ZNF106: variants seen among roughly 807,000 people sequenced by gnomAD.
ZNF106 encodes SH3-domain binding protein 3.
In ZNF106, 67 loss-of-function variants were observed where a neutral mutation model predicts 195.1. The ratio of observed to expected loss-of-function variants is 0.34; its 90% CI spans 0.28 to 0.42. The LOEUF is 0.42. Among genes scored for constraint, ZNF106 ranks in the 10% least tolerant of loss-of-function variants. The probability of loss-of-function intolerance (pLI) is 1.00; values close to 1 mark genes in which losing one functional copy is unlikely to be tolerated. For missense variants in ZNF106, 2,118 were observed against 2,304.5 expected, an observed-to-expected ratio of 0.92 and a Z score of 1.66; for synonymous variants, 784 against 818.6, an observed-to-expected ratio of 0.96 and a Z score of 0.72.
In ZNF106 at chr15:42,446,604, T is replaced by C. The variant is rs1250154921; in HGVS notation, c.3190A>G (p.Ile1064Val). ...TGCACCATACCTTTTTTTCCTTTAA[T>C]TTTCCTTCTTTTATTTTTTCTCTCA... ...SLERKNKRRK[I>V]KGKKERSQVD... Residue 1064 changes from isoleucine (I) to valine (V), a missense_variant, in exon 7 of 22, where the codon ATT becomes GTT. Physicochemically the swap from Ile to Val is conservative, Grantham distance 29 (BLOSUM62 3). Coordinates refer to ENST00000564754, the MANE Select transcript of ZNF106 (RefSeq NM_001366845.3). 3.1e-6 allele frequency: 5 copies of C among 1,599,010 alleles called. No homozygotes were observed. In the South Asian group the frequency reaches 4.5e-5, roughly 14 times the overall value.
Position 42,450,180 on chromosome 15 carries a change from C to G in ZNF106, c.2092G>C (p.Glu698Gln), listed in dbSNP as rs373531335. Residue 698 changes from glutamate (E) to glutamine (Q), a missense_variant, in exon 5 of 22, where the codon GAA (glutamate) becomes CAA (glutamine). By Grantham distance (29) the Glu-to-Gln change is conservative. Coordinates refer to ENST00000564754, the MANE Select transcript of ZNF106 (RefSeq NM_001366845.3). ...GLLLDLKTSL[E>Q]DAQVDDSIKS... The stretch of plus-strand genomic sequence containing the variant: ...ATAGAGTCATCAACCTGTGCATCTT[C>G]TAGAGAGGTTTTCAAGTCTAGCAAT... 4.3e-6 allele frequency: 7 copies of G among 1,614,042 alleles called. No homozygotes were observed. The African/African-American group carries it at 9.3e-5, about 22-fold the overall frequency.
intron 9 of ZNF106, among the ~76,000 whole-genome samples, chr15:42,443,790 A>T (rs530382949): frequency 1.3e-5 from 2 of 152,016 alleles, no homozygotes; most frequent in Non-Finnish European, 2.9e-5. Flanking sequence ...TGACCTTTTC[A>T]TGACTACTTT....
intron 20 of ZNF106, among the ~76,000 whole-genome samples, chr15:42,419,752 C>A (rs1256920044): frequency 1.3e-5 from 2 of 152,138 alleles, no homozygotes; most frequent in African/African-American, 4.8e-5. Context: ...GAGTTCAAGA[C>A]CAGCCTGGCC....
At position 42,442,076 on chromosome 15, in the gene ZNF106, T is replaced by G; in HGVS notation, c.3760A>C (p.Asn1254His). ...CNVSKELLEA[N>H]REISDSCPVY... ...ACCCAGAGAAAAGCTTACATACTAT[T>G]AGCTTCCAGTAATTCCTTGGACACA... Residue 1254 changes from asparagine (N) to histidine (H), a missense_variant, in exon 10 of 22, where the codon AAT (asparagine) becomes CAT (histidine). Physicochemically the swap from Asn to His is moderately conservative, Grantham distance 68. Transcript: ENST00000564754. The G allele has an allele frequency of 6.2e-7, 1 of 1,606,842 alleles. No individual in the cohort carries two copies. Among genetic ancestry groups the G allele is most frequent in the Non-Finnish European group, 8.5e-7 (1 of 1,175,904 alleles).
chr15:42,455,101 A>T (rs1401013088), intron 4 of ZNF106, among the ~76,000 whole-genome samples: 1 of 152,230 alleles, frequency 6.6e-6, no homozygotes, highest in African/African-American at 2.4e-5. Flanking sequence ...CTAAAGCAGG[A>T]TAAAGTAAAC....
intron 1 of ZNF106, among the ~76,000 whole-genome samples, chr15:42,488,033 T>C (rs1419918578): frequency 6.6e-6 from 1 of 152,322 alleles, no homozygotes; most frequent in East Asian, 1.9e-4. Context: ...CTAGATTACA[T>C]GTAAGACCTA....
Position 42,444,990 on chromosome 15 carries a change from A to G in ZNF106, c.3206-9T>C, listed in dbSNP as rs1389195023. ...GTCAACCTGAGAACGTTCTGCCAAAAGAAATCATAAGGTTCAGGTTAATAC... is the reference window on the plus strand; with the variant it reads ...GTCAACCTGAGAACGTTCTGCCAAAGGAAATCATAAGGTTCAGGTTAATAC... On this transcript the variant is annotated splice_polypyrimidine_tract_variant and intron_variant, in intron 7 of 21. Coordinates refer to ENST00000564754, the MANE Select transcript of ZNF106 (RefSeq NM_001366845.3). 1.9e-6 allele frequency: 3 copies of G among 1,614,072 alleles called. No homozygotes were observed. The South Asian group carries it at 3.3e-5, about 18-fold the overall frequency.
chr15:42,428,243 T>A, intron 14 of ZNF106, 109 bp from the exon 15 acceptor site: 1 of 781,576 alleles, frequency 1.3e-6, no homozygotes, highest in Middle Eastern at 2.4e-4. Context: ...CGGAAGAAAG[T>A]GTGACATCCT....
In ZNF106 at chr15:42,444,215, T is replaced by G; in HGVS notation, c.3408A>C (p.Leu1136=). 6.2e-7 allele frequency: 1 copy of G among 1,610,342 alleles called. No homozygotes were observed. Among genetic ancestry groups the G allele is most frequent in the Non-Finnish European group, 8.5e-7 (1 of 1,177,914 alleles). The change falls in exon 9 of 22, where the codon CTA becomes CTC. Residue 1136 remains leucine, a synonymous_variant. Transcript: ENST00000564754. ...SALRTHRIQI[L]QGLQETYEPS... is the part of the protein sequence containing the mutation. ...CCCTCTGAATACCTTGTAATCCCTG[T>G]AGAATCTGTATTCTATGGGTCCTCA...
In ZNF106 at chr15:42,450,741, T is replaced by C. The variant is rs376549374; in HGVS notation, c.1531A>G (p.Asn511Asp). 83 of 1,614,246 alleles carry C rather than the reference T, an allele frequency of 5.1e-5. No homozygotes were observed. Among genetic ancestry groups the C allele is most frequent in the African/African-American group, 3.6e-4 (27 of 75,060 alleles). Residue 511 changes from asparagine (N) to aspartate (D), a missense_variant, in exon 5 of 22, where the codon AAT becomes GAT. Asn to Asp is a conservative substitution (Grantham distance 23). Transcript: ENST00000564754. ...TNFFSPGEHS[N>D]PSNKPTVEDN... ...TCCACAGTGGGCTTGTTCGAGGGAT[T>C]TGAGTGTTCTCCAGGGGAAAAAAAA...
chr15:42,417,667 C>T (rs2054507295), intron 21 of ZNF106, 138 bp downstream of exon 21: 1 of 1,062,226 alleles, frequency 9.4e-7, no homozygotes, highest in South Asian at 2.0e-5. Context: ...AGCTACCCCC[C>T]AAATCTCTGA....
intron 2 of ZNF106, among the ~76,000 whole-genome samples, chr15:42,467,176 A>G (rs2056539165): frequency 6.6e-6 from 1 of 152,170 alleles, no homozygotes; most frequent in African/African-American, 2.4e-5. Flanking sequence ...ACACATACAC[A>G]TACACAAAAC....
intron 3 of ZNF106, among the ~76,000 whole-genome samples, chr15:42,463,571 T>C (rs1048824966): frequency 6.6e-6 from 1 of 152,128 alleles, no homozygotes; most frequent in African/African-American, 2.4e-5. Context: ...AGTGGAACTC[T>C]GTCTTTACAA....
chr15:42,490,885 T>C (rs1055362562), intron 1 of ZNF106, 95 bp downstream of exon 1: 1 of 152,254 alleles, frequency 6.6e-6, no homozygotes, highest in Non-Finnish European at 1.5e-5. Context: ...AGAAACCCGG[T>C]GGTGTCTTGC....
chr15:42,437,319 G>A lies in ZNF106; in HGVS notation c.4659C>T (p.His1553=). 6.2e-7 allele frequency: 1 copy of A among 1,614,130 alleles called. No individual in the cohort carries two copies. The highest frequency in any genetic ancestry group is 1.3e-5 in the African/African-American group (1 of 75,044). ...TCTGAATTGCATTTACGGCAGCTTGGTGTCCCTCAAAGCTTCCTTCTGTGG... is the reference window on the plus strand; with the variant it reads ...TCTGAATTGCATTTACGGCAGCTTGATGTCCCTCAAAGCTTCCTTCTGTGG... ...DEPTEGSFEG[H]QAAVNAIQIF... Residue 1553 remains histidine, a synonymous_variant, in exon 13 of 22, where the codon CAC becomes CAT. Transcript: ENST00000564754.
chr15:42,422,342 C>G (rs771453097), intron 18 of ZNF106, among the ~76,000 whole-genome samples, 159 bp downstream of exon 18: 57 of 151,832 alleles, frequency 3.8e-4, no homozygotes, highest in Middle Eastern at 3.4e-3. Context: ...TTTCTGAAAG[C>G]TGCAGTCCAC....
chr15:42,464,254 C>T lies in ZNF106; in HGVS notation c.116+1799G>A, dbSNP rs185535022. Among the ~76,000 whole-genome samples, 18 of 147,892 alleles carry T rather than the reference C, an allele frequency of 1.2e-4. No homozygotes were observed. The East Asian group carries it at 2.7e-3, about 22-fold the overall frequency. ...ACTCAGGAGGGTGAAGCAGGAGAATCGCTTGAACCCGGGAGGCGGAGGTTG... is the reference window on the plus strand; with the variant it reads ...ACTCAGGAGGGTGAAGCAGGAGAATTGCTTGAACCCGGGAGGCGGAGGTTG... On this transcript the variant is annotated intron_variant, in intron 3 of 21. Transcript: ENST00000564754.
rs190548215 is a variant in ZNF106 at position 42,415,110 on chromosome 15, C to A, written c.*2194G>T. The A allele has an allele frequency of 9.5e-6, 2 of 210,368 alleles. No homozygotes were observed. Among genetic ancestry groups the A allele is most frequent in the Non-Finnish European group, 1.9e-5 (2 of 103,724 alleles). 13.0% of individuals were successfully genotyped at this position (210,368 alleles called of 1,614,324 possible). ...TCTAGTACTAGGCCATTCATTATCTCCTAGATTAACTCTTTTTTTTTTTTT... is the reference window on the plus strand; with the variant it reads ...TCTAGTACTAGGCCATTCATTATCTACTAGATTAACTCTTTTTTTTTTTTT... On this transcript the variant is annotated 3_prime_UTR_variant, in exon 22 of 22. Coordinates refer to ENST00000564754, the MANE Select transcript of ZNF106 (RefSeq NM_001366845.3).
intron 2 of ZNF106, among the ~76,000 whole-genome samples, chr15:42,467,947 A>T (rs2056560522): frequency 6.6e-6 from 1 of 152,102 alleles, no homozygotes; most frequent in African/African-American, 2.4e-5. Context: ...CACTGTAAGC[A>T]TTTGGTGCAT....
Sources: gnomAD v4.1 joint callset for allele counts (sites outside exome capture counted in the v4.1 genomes callset) on GRCh38, gnomAD v4.1.1 for gene constraint, MANE v1.5 for transcripts, NCBI Gene and HGNC (gene_info 2026-07-23, HGNC 2026-07-21) for gene names.